ROR2: variants seen among roughly 807,000 people sequenced by gnomAD.
ROR2 encodes the protein ROR family WNT receptor 2.
In ROR2, 33 loss-of-function variants were observed where a neutral mutation model predicts 74.9. That is an observed-to-expected ratio of 0.44 (90% CI 0.33 to 0.59). ROR2 has a LOEUF of 0.59. Ranked by LOEUF, ROR2 falls within the 20% of genes least tolerant of loss-of-function variation. ROR2 has a pLI of 0.02. For synonymous variants in ROR2, 586 were observed against 558.7 expected (o/e 1.05, Z -0.69); for missense variants, 1,216 against 1,313.8 (o/e 0.93, Z 1.15).
chr9:91,931,381 AAT>A (rs1314263913), intron 1 of ROR2, among the ~76,000 whole-genome samples: 1 of 152,212 alleles, frequency 6.6e-6, no homozygotes, highest in Non-Finnish European at 1.5e-5. Flanking sequence ...CTCTGTCATG[AAT>A]ATATGTAAAA....
rs1004650570 is a variant in ROR2, at chr9:91,905,121, TCA to T, written c.97+44744_97+44745del. The stretch of plus-strand genomic sequence containing the variant: ...AAACTCATACACCACAAACCACATA[TCA>T]CACACACACCCCCCACACAAATATC... On this transcript the variant is annotated intron_variant, in intron 1 of 8. Transcript: ENST00000375708. The surrounding 1 kb of genome is among the most constrained non-coding windows in gnomAD (Gnocchi z 5.3). Among the ~76,000 whole-genome samples the T allele has an allele frequency of 2.1e-5, 3 of 145,856 alleles. No individual in the cohort carries two copies. Among genetic ancestry groups the T allele is most frequent in the South Asian group, 2.2e-4 (1 of 4,488 alleles).
At chr9:91,842,679 T>A (rs1279231931) in intron 1 of ROR2, among the ~76,000 whole-genome samples, 3 of 152,218 alleles carry the variant, frequency 2.0e-5, no homozygotes, top group Non-Finnish European at 2.9e-5. Context: ...TATTCCAGTA[T>A]CTTAATTCCA....
intron 1 of ROR2, among the ~76,000 whole-genome samples, chr9:91,827,166 A>G (rs1303676065): frequency 6.6e-6 from 1 of 152,118 alleles, no homozygotes; most frequent in Non-Finnish European, 1.5e-5. Context: ...ATTGCCCCCT[A>G]ACTATATGCT....
chr9:91,848,079 T>A (rs1828981162), intron 1 of ROR2, among the ~76,000 whole-genome samples: 1 of 152,242 alleles, frequency 6.6e-6, no homozygotes, highest in South Asian at 2.1e-4. Flanking sequence ...TCGAGTCTTC[T>A]CTCACCATGG....
chr9:91,879,443 T>G (rs992360892), intron 1 of ROR2, among the ~76,000 whole-genome samples: 26 of 151,386 alleles, frequency 1.7e-4, no homozygotes, highest in African/African-American at 4.1e-4. Context: ...TGTGGGGGGG[T>G]GTGTGTGTGT....
chr9:91,901,586 C>A (rs1034860135), intron 1 of ROR2, among the ~76,000 whole-genome samples: 1 of 152,044 alleles, frequency 6.6e-6, no homozygotes, highest in South Asian at 2.1e-4. Context: ...GAGGCTAAGG[C>A]AGGCGGATCA....
At chr9:91,931,375 G>C (rs1477626856) in intron 1 of ROR2, among the ~76,000 whole-genome samples, 2 of 152,188 alleles carry the variant, frequency 1.3e-5, no homozygotes, top group African/African-American at 4.8e-5. Flanking sequence ...GTAAGGCTCT[G>C]TCATGAATAT....
At chr9:91,799,354 T>C in intron 1 of ROR2, among the ~76,000 whole-genome samples, 1 of 151,942 alleles carries the variant, frequency 6.6e-6, no homozygotes, top group South Asian at 2.1e-4. Context: ...CAGCATGGAG[T>C]ATGACCGTCC....
At chr9:91,867,656 C>CTCTGTGTGTGTGTGTGTG (rs564755026) in intron 1 of ROR2, among the ~76,000 whole-genome samples, 11 of 131,286 alleles carry the variant, frequency 8.4e-5, no homozygotes, top group Non-Finnish European at 1.6e-4. Context: ...CACCCATGAG[C>CTCTGTGTGTGTGTGTGTG]TGTGTGTGTG....
At chr9:91,749,667 A>G (rs1016831569) in intron 4 of ROR2, among the ~76,000 whole-genome samples, 1 of 152,214 alleles carries the variant, frequency 6.6e-6, no homozygotes, top group Admixed American at 6.5e-5. Context: ...ACAGCCTATA[A>G]GCAGACCCCC....
intron 1 of ROR2, among the ~76,000 whole-genome samples, chr9:91,873,608 A>G (rs1380705497): frequency 6.6e-6 from 1 of 152,124 alleles, no homozygotes; most frequent in Non-Finnish European, 1.5e-5. Context: ...GAAAAGAAAA[A>G]GCCACCAATG....
chr9:91,771,984 T>TG (rs1826246293), intron 2 of ROR2, among the ~76,000 whole-genome samples: 1 of 152,218 alleles, frequency 6.6e-6, no homozygotes, highest in Non-Finnish European at 1.5e-5. Flanking sequence ...ATTATACATG[T>TG]GATTAGGCCA....
At chr9:91,748,341 G>C (rs1825496328) in intron 4 of ROR2, among the ~76,000 whole-genome samples, 1 of 151,990 alleles carries the variant, frequency 6.6e-6, no homozygotes, top group East Asian at 1.9e-4. Flanking sequence ...ATGATGAGTT[G>C]TCAAGTGAGA....
chr9:91,948,582 T>C (rs1443333854), intron 1 of ROR2: 2 of 985,292 alleles, frequency 2.0e-6, no homozygotes, highest in Admixed American at 1.2e-4. Flanking sequence ...CAGGAAAGAC[T>C]GTGCAGCCTT....
intron 1 of ROR2, among the ~76,000 whole-genome samples, chr9:91,939,643 G>A (rs1831795882): frequency 6.6e-6 from 1 of 151,928 alleles, no homozygotes; most frequent in Admixed American, 6.6e-5. Flanking sequence ...ATCCCACAGT[G>A]GGATGTCAAA....
At chr9:91,927,113 T>C (rs2117918307) in intron 1 of ROR2, among the ~76,000 whole-genome samples, 2 of 152,378 alleles carry the variant, frequency 1.3e-5, no homozygotes, top group Middle Eastern at 3.4e-3. Context: ...TTGCCCCATT[T>C]CATGGGCCAT....
chr9:91,837,777 C>G (rs1410353885), intron 1 of ROR2, among the ~76,000 whole-genome samples: 1 of 152,076 alleles, frequency 6.6e-6, no homozygotes, highest in East Asian at 1.9e-4. Context: ...ACACATTTGG[C>G]AAGTAGAAAA....
chr9:91,869,449 G>A lies in ROR2; in HGVS notation c.97+80418C>T, dbSNP rs563084309. Reference sequence around the variant, plus strand: ...GAACAGGTGAATGGATAAGCGAACCGTGAACCCCTATACAATGAAATACTG... The same window carrying A: ...GAACAGGTGAATGGATAAGCGAACCATGAACCCCTATACAATGAAATACTG... On this transcript the variant is annotated intron_variant, in intron 1 of 8. Transcript: ENST00000375708. 2.0e-5 allele frequency among the ~76,000 whole-genome samples: 3 copies of A among 152,242 alleles called. No homozygotes were observed. In the East Asian group the frequency reaches 5.8e-4, roughly 29 times the overall value.
chr9:91,726,733 G>A lies in ROR2; in HGVS notation c.1194C>T (p.Asp398=), dbSNP rs918682261. The A allele has an allele frequency of 1.9e-6, 3 of 1,614,070 alleles. No individual in the cohort carries two copies. Among genetic ancestry groups the A allele is most frequent in the South Asian group, 1.1e-5 (1 of 91,072 alleles). ...TGTACAGAATCCCCATCTTGCTGCT[G>A]TCTCGGGGACCTGTGAACAATAAGG... ...LCDVPSCSPR[D]SSKMGILYIL... Residue 398 remains aspartate, a synonymous_variant, in exon 8 of 9, where the codon GAC becomes GAT. Coordinates refer to ENST00000375708, the MANE Select transcript of ROR2 (RefSeq NM_004560.4).
Sources: gnomAD v4.1 joint callset for allele counts (sites outside exome capture counted in the v4.1 genomes callset) on GRCh38, gnomAD v4.1.1 for gene constraint, Gnocchi (gnomAD v3.1) non-coding constraint, MANE v1.5 for transcripts, NCBI Gene and HGNC (gene_info 2026-07-23, HGNC 2026-07-21) for gene names.